The following TNPO1 variants were observed in gnomAD, a reference collection of about 807,000 sequenced individuals.
TNPO1 encodes transportin 1.
A neutral mutation model predicts 119.5 loss-of-function variants in TNPO1; 8 were observed. The ratio of observed to expected loss-of-function variants is 0.07; its 90% CI spans 0.04 to 0.12. The LOEUF is 0.12. Among genes scored for constraint, TNPO1 ranks in the 10% least tolerant of loss-of-function variants. TNPO1 has a pLI of 1.00. For missense variants in TNPO1, 576 were observed against 1,089.8 expected (o/e 0.53, Z 6.64); for synonymous variants, 362 against 363.0 (o/e 1.00, Z 0.03).
At chr5:72,858,863 T>G (rs1049700596) in intron 4 of TNPO1, among the ~76,000 whole-genome samples, 4 of 151,936 alleles carry the variant, frequency 2.6e-5, no homozygotes, top group African/African-American at 9.7e-5. Context: ...CTAAAGTATT[T>G]TATAGTTTTG....
At chr5:72,892,997 T>TG (rs1749176273) in intron 15 of TNPO1, 142 bp from the exon 16 acceptor site, 1 of 448,390 alleles carries the variant, frequency 2.2e-6, no homozygotes, top group African/African-American at 3.9e-5. Context: ...AGGGTTGGGG[T>TG]GGGGGGAGGG....
At chr5:72,876,149 C>T (rs1414211986) in intron 8 of TNPO1, among the ~76,000 whole-genome samples, 1 of 152,148 alleles carries the variant, frequency 6.6e-6, no homozygotes, top group African/African-American at 2.4e-5. Flanking sequence ...TTAGTGTTAA[C>T]TAAAGTGAAG....
rs1750420481 is a variant in TNPO1 at position 72,909,575 on chromosome 5, A to AGC, written c.*902_*903insGC. On this transcript the variant is annotated 3_prime_UTR_variant, in exon 25 of 25. Coordinates refer to ENST00000337273, the MANE Select transcript of TNPO1 (RefSeq NM_002270.4). ...ATTCTGGCTCATAGTGGTTGAAAGT[A>AGC]ATTTAAATTAGTGGGAAAGTAGCAT... The AGC allele has an allele frequency of 6.6e-6, 1 of 152,304 alleles. No individual in the cohort carries two copies. The highest frequency in any genetic ancestry group is 2.1e-4 in the South Asian group (1 of 4,834). 9.4% of individuals were successfully genotyped at this position (152,304 alleles called of 1,614,324 possible). A position where few individuals can be genotyped will look rare whatever the true frequency, so the allele number is the denominator to read the frequency against.
intron 23 of TNPO1, among the ~76,000 whole-genome samples, 176 bp from the exon 24 acceptor site, chr5:72,905,127 G>T (rs1750051632): frequency 6.6e-6 from 1 of 152,160 alleles, no homozygotes; most frequent in African/African-American, 2.4e-5. Flanking sequence ...TTTGGGTGGG[G>T]ACACAGAGCC....
chr5:72,910,113 T>C lies in TNPO1; in HGVS notation c.*1440T>C, dbSNP rs1294451518. 1 of 152,638 alleles carries C rather than the reference T, an allele frequency of 6.6e-6. No homozygotes were observed. Among genetic ancestry groups the C allele is most frequent in the Non-Finnish European group, 1.5e-5 (1 of 68,038 alleles). The allele number at this position is 152,638 out of a possible 1,614,324, so 9.5% of individuals were successfully genotyped here. On this transcript the variant is annotated 3_prime_UTR_variant, in exon 25 of 25. Coordinates refer to ENST00000337273, the MANE Select transcript of TNPO1 (RefSeq NM_002270.4). ...TGTTCAAAGCATGATCTTAAAGATATGTTTAAGTTAATGGATGTAATGCAG... is the reference window on the plus strand; with the variant it reads ...TGTTCAAAGCATGATCTTAAAGATACGTTTAAGTTAATGGATGTAATGCAG...
chr5:72,906,264 C>CTTTTTTTT (rs11356390), intron 24 of TNPO1, among the ~76,000 whole-genome samples: 1 of 90,238 alleles, frequency 1.1e-5, no homozygotes, highest in African/African-American at 4.7e-5. Context: ...GTGCCCATCA[C>CTTTTTTTT]TTTTTTTTTT....
intron 4 of TNPO1, among the ~76,000 whole-genome samples, chr5:72,857,975 T>TG (rs1401165615): frequency 2.0e-5 from 3 of 152,246 alleles, no homozygotes; most frequent in Non-Finnish European, 4.4e-5. Flanking sequence ...GAAATTGACT[T>TG]ATGTAGGCAT....
intron 3 of TNPO1, 24 bp downstream of exon 3, chr5:72,851,343 CTATT>C (rs776633319): frequency 8.1e-6 from 11 of 1,360,950 alleles, no homozygotes; most frequent in Admixed American, 3.7e-5. Context: ...GTATTGATAA[CTATT>C]TAAAGTTTCT....
At chr5:72,881,253 G>A (rs1748224708) in intron 9 of TNPO1, among the ~76,000 whole-genome samples, 2 of 152,112 alleles carry the variant, frequency 1.3e-5, no homozygotes, top group African/African-American at 4.8e-5. Context: ...TGGGACTACA[G>A]GCGTGTGCCA....
chr5:72,855,983 G>C (rs1745969026), intron 4 of TNPO1, 60 bp downstream of exon 4: 1 of 1,529,446 alleles, frequency 6.5e-7, no homozygotes, highest in Non-Finnish European at 9.0e-7. Context: ...TTTTAGAGAT[G>C]ACAGATTATT....
At chr5:72,880,841 T>C (rs527573052) in intron 9 of TNPO1, among the ~76,000 whole-genome samples, 5 of 148,362 alleles carry the variant, frequency 3.4e-5, no homozygotes, top group African/African-American at 1.2e-4. Flanking sequence ...AAAACCTCAT[T>C]TTTAATGGCT....
chr5:72,830,758 ATTTTCT>A (rs1744421381), intron 1 of TNPO1, among the ~76,000 whole-genome samples: 1 of 152,184 alleles, frequency 6.6e-6, no homozygotes, highest in African/African-American at 2.4e-5. Flanking sequence ...CAAGACAAAG[ATTTTCT>A]TTTTGTGTCT....
intron 2 of TNPO1, 78 bp from the exon 3 acceptor site, chr5:72,851,166 C>G (rs1413599276): frequency 5.6e-6 from 5 of 890,816 alleles, no homozygotes; most frequent in Non-Finnish European, 8.9e-6. Flanking sequence ...CAAAGAGATC[C>G]TTGATTTTTA....
intron 7 of TNPO1, among the ~76,000 whole-genome samples, chr5:72,874,143 A>G (rs376046786): frequency 2.0e-5 from 3 of 152,158 alleles, no homozygotes; most frequent in Non-Finnish European, 2.9e-5. Context: ...AAATATGTTA[A>G]TATTTGTTTA....
At chr5:72,859,807 A>G (rs1334814196) in intron 4 of TNPO1, among the ~76,000 whole-genome samples, 1 of 152,250 alleles carries the variant, frequency 6.6e-6, no homozygotes, top group Non-Finnish European at 1.5e-5. Flanking sequence ...AGATTTTAAT[A>G]GGTGTTGCCA....
chr5:72,845,627 C>T (rs1745095744), intron 1 of TNPO1, among the ~76,000 whole-genome samples: 1 of 152,134 alleles, frequency 6.6e-6, no homozygotes, highest in Non-Finnish European at 1.5e-5. Flanking sequence ...TTCTTGAGAG[C>T]CCTTTGTTAC....
chr5:72,865,861 T>C (rs974211731), intron 6 of TNPO1, 132 bp downstream of exon 6: 4 of 990,642 alleles, frequency 4.0e-6, no homozygotes, highest in South Asian at 3.7e-5. Flanking sequence ...GGTGAACTTA[T>C]GTAATTGAAA....
chr5:72,862,807 G>A (rs368169662), intron 5 of TNPO1, among the ~76,000 whole-genome samples: 3 of 151,874 alleles, frequency 2.0e-5, no homozygotes, highest in East Asian at 1.9e-4. Context: ...CACCACGCCC[G>A]CCTAATTTTT....
chr5:72,816,847 GGGCT>G, intron 1 of TNPO1, 95 bp downstream of exon 1: 1 of 1,421,026 alleles, frequency 7.0e-7, no homozygotes, highest in Non-Finnish European at 9.4e-7. Flanking sequence ...GAGAGACGCC[GGGCT>G]CGCCCGCTCT....
Sources: allele counts gnomAD v4.1 joint callset (sites outside exome capture counted in the v4.1 genomes callset), GRCh38; gene constraint gnomAD v4.1.1; transcripts MANE v1.5; gene names NCBI Gene and HGNC (gene_info 2026-07-23, HGNC 2026-07-21).